IQCM: variants seen among roughly 807,000 people sequenced by gnomAD.
The protein encoded by IQCM is IQ domain-containing protein M.
In IQCM, 45 loss-of-function variants were observed where a neutral mutation model predicts 57.6. That is an observed-to-expected ratio of 0.78 (90% CI 0.62 to 1.00). The LOEUF is 1.00. IQCM is among the 50% of genes least tolerant of loss of function. The pLI is 0.00. For missense variants in IQCM, 468 were observed against 511.6 expected, an observed-to-expected ratio of 0.91 and a Z score of 0.82; for synonymous variants, 148 against 158.9, an observed-to-expected ratio of 0.93 and a Z score of 0.51.
chr4:149,621,239 C>CT lies in IQCM; in HGVS notation c.570dup (p.Ala191SerfsTer4). The stretch of plus-strand genomic sequence containing the variant: ...ACAAATCCTCTCCAGTCATAGAATG[C>CT]TTTGTCTGTTAGAAATATCAATGCA... On this transcript the variant is annotated frameshift_variant, in exon 8 of 14. Coordinates refer to ENST00000636793, the MANE Select transcript of IQCM (RefSeq NM_001363507.2). LOFTEE classifies it high-confidence loss of function. 8.1e-7 allele frequency: 1 copy of CT among 1,227,008 alleles called. No individual in the cohort carries two copies. Among genetic ancestry groups the CT allele is most frequent in the Non-Finnish European group, 1.0e-6 (1 of 983,292 alleles). The allele number at this position is 1,227,008 out of a possible 1,614,324, so 76.0% of individuals were successfully genotyped here. A position where few individuals can be genotyped will look rare whatever the true frequency, so the allele number is the denominator to read the frequency against.
intron 13 of IQCM, among the ~76,000 whole-genome samples, chr4:149,369,425 T>C (rs1730209238): frequency 6.6e-6 from 1 of 152,020 alleles, no homozygotes; most frequent in Admixed American, 6.6e-5. Flanking sequence ...AAGAGGCCCA[T>C]CTAAAAAAGA....
chr4:149,451,481 A>G (rs1159458969), intron 12 of IQCM, among the ~76,000 whole-genome samples: 1 of 151,736 alleles, frequency 6.6e-6, no homozygotes, highest in Admixed American at 6.6e-5. Context: ...TGCCCACAAA[A>G]ATTTAAATAA....
At chr4:149,568,758 A>G (rs1750876624) in intron 9 of IQCM, among the ~76,000 whole-genome samples, 1 of 152,188 alleles carries the variant, frequency 6.6e-6, no homozygotes, top group South Asian at 2.1e-4. Flanking sequence ...AGCCTGGGTG[A>G]CAGAATGGGA....
At position 149,587,968 on chromosome 4, in the gene IQCM, C is replaced by T; in HGVS notation, c.711G>A (p.Glu237=). 1 of 1,226,122 alleles carries T rather than the reference C, an allele frequency of 8.2e-7. No individual in the cohort carries two copies. 76.0% of individuals were successfully genotyped at this position (1,226,122 alleles called of 1,614,324 possible). A position where few individuals can be genotyped will look rare whatever the true frequency, so the allele number is the denominator to read the frequency against. The part of the protein sequence containing the change: ...SKTFKTLIKK[E]RQPIKPEPKS... ...TTGGTTCTGGCTTGATAGGTTGTCG[C>T]TCCTTTTTAATAAGGGTTTTAAAGG... Residue 237 remains glutamate (E), a synonymous_variant, in exon 9 of 14, where the codon GAG becomes GAA. Coordinates refer to ENST00000636793, the MANE Select transcript of IQCM (RefSeq NM_001363507.2).
intron 2 of IQCM, among the ~76,000 whole-genome samples, chr4:149,795,152 GAA>G (rs1772997385): frequency 6.6e-6 from 1 of 152,128 alleles, no homozygotes; most frequent in South Asian, 2.1e-4. Context: ...TACTGCAGAA[GAA>G]AAGAGTAGTG....
At chr4:149,594,150 A>G (rs1002876262) in intron 8 of IQCM, among the ~76,000 whole-genome samples, 1 of 152,128 alleles carries the variant, frequency 6.6e-6, no homozygotes, top group Non-Finnish European at 1.5e-5. Flanking sequence ...TTATTGGTCT[A>G]TTCAGGGATT....
intron 13 of IQCM, among the ~76,000 whole-genome samples, chr4:149,416,118 T>TA (rs201468541): frequency 0.026 from 3,952 of 152,076 alleles, 109 homozygotes; most frequent in African/African-American, 0.069. Flanking sequence ...TTATGACCCA[T>TA]AAAAAAACCT....
intron 13 of IQCM, among the ~76,000 whole-genome samples, chr4:149,356,354 C>T (rs1337669557): frequency 6.6e-6 from 1 of 151,782 alleles, no homozygotes. Flanking sequence ...CCTAGGTTTT[C>T]TTCTAGGGTT....
intron 8 of IQCM, among the ~76,000 whole-genome samples, chr4:149,618,857 AG>A (rs959133769): frequency 6.6e-6 from 1 of 152,136 alleles, no homozygotes; most frequent in African/African-American, 2.4e-5. Flanking sequence ...TGCAGAGAAA[AG>A]GGAACACTTA....
chr4:149,418,271 G>A (rs574033581), intron 13 of IQCM, among the ~76,000 whole-genome samples: 24 of 151,742 alleles, frequency 1.6e-4, no homozygotes, highest in Non-Finnish European at 2.8e-4. Flanking sequence ...TATTACCACT[G>A]ACCCCACAGA....
chr4:149,645,944 C>G (rs1758596887), intron 7 of IQCM, among the ~76,000 whole-genome samples: 1 of 152,180 alleles, frequency 6.6e-6, no homozygotes, highest in South Asian at 2.1e-4. Flanking sequence ...GCCTGTGTAC[C>G]TGCCCCTGGC....
intron 6 of IQCM, among the ~76,000 whole-genome samples, chr4:149,684,050 A>C (rs547188885): frequency 6.6e-6 from 1 of 151,482 alleles, no homozygotes; most frequent in Admixed American, 6.6e-5. Flanking sequence ...AAATGCACCA[A>C]ATAATATCAA....
chr4:149,670,273 CTGTT>C (rs1761136131), intron 7 of IQCM, among the ~76,000 whole-genome samples: 1 of 152,198 alleles, frequency 6.6e-6, no homozygotes. Context: ...ATTTGGCTCT[CTGTT>C]TGTCTGTTAC....
chr4:149,497,026 A>G (rs1387421789), intron 12 of IQCM, among the ~76,000 whole-genome samples: 1 of 152,166 alleles, frequency 6.6e-6, no homozygotes, highest in Non-Finnish European at 1.5e-5. Flanking sequence ...GTGGGAAAGA[A>G]AGTTCAGCTC....
intron 13 of IQCM, among the ~76,000 whole-genome samples, chr4:149,393,435 T>A (rs1294842472): frequency 6.6e-6 from 1 of 151,772 alleles, no homozygotes; most frequent in Non-Finnish European, 1.5e-5. Flanking sequence ...AATATAAACC[T>A]AACGGAAGCA....
intron 3 of IQCM, among the ~76,000 whole-genome samples, chr4:149,740,970 A>C (rs1377536817): frequency 1.3e-5 from 2 of 152,164 alleles, no homozygotes; most frequent in East Asian, 3.8e-4. Flanking sequence ...GCTGGAAAGT[A>C]AATAGAAGCT....
intron 9 of IQCM, among the ~76,000 whole-genome samples, chr4:149,575,071 A>G (rs544337501): frequency 4.7e-4 from 71 of 151,998 alleles, no homozygotes; most frequent in African/African-American, 1.5e-3. Context: ...AATTTACACA[A>G]TTTACTCTGA....
At chr4:149,435,144 C>G (rs928019675) in intron 12 of IQCM, among the ~76,000 whole-genome samples, 1 of 152,138 alleles carries the variant, frequency 6.6e-6, no homozygotes, top group Non-Finnish European at 1.5e-5. Flanking sequence ...TAGAAAATCA[C>G]ATTTACTCCA....
In IQCM at chr4:149,799,472, A is replaced by G. The variant is rs192109742; in HGVS notation, c.-49+15839T>C. The stretch of plus-strand genomic sequence containing the variant: ...AACAAAACCCAAAATTAGTAGAAGA[A>G]AAAAAATAAAGATTAGAGCAGAAAT... On this transcript the variant is annotated intron_variant, in intron 2 of 13. Coordinates refer to ENST00000636793, the MANE Select transcript of IQCM (RefSeq NM_001363507.2). Among the ~76,000 whole-genome samples, 7 of 151,888 alleles carry G rather than the reference A, an allele frequency of 4.6e-5. No individual in the cohort carries two copies. In the East Asian group the frequency reaches 1.2e-3, roughly 25 times the overall value.
Sources: gnomAD v4.1 joint callset for allele counts (sites outside exome capture counted in the v4.1 genomes callset) on GRCh38, gnomAD v4.1.1 for gene constraint, MANE v1.5 for transcripts, NCBI Gene and HGNC (gene_info 2026-07-23, HGNC 2026-07-21) for gene names.